COL6A5: variants seen among roughly 807,000 people sequenced by gnomAD.
COL6A5 encodes collagen alpha-5(VI) chain.
COL6A5 carries 48 observed loss-of-function variants against 65.6 expected under a neutral mutation model. That is an observed-to-expected ratio of 0.73 (90% CI 0.58 to 0.93). COL6A5 has a LOEUF of 0.93. COL6A5 is among the 40% of genes least tolerant of loss of function. The pLI is 0.00. For synonymous variants in COL6A5, 291 were observed against 322.8 expected, an observed-to-expected ratio of 0.90 and a Z score of 1.05; for missense variants, 914 against 928.3, an observed-to-expected ratio of 0.98 and a Z score of 0.20.
At position 130,422,134 on chromosome 3, in the gene COL6A5, G is replaced by C. The variant is rs530967782; in HGVS notation, c.5038-586G>C. Among the ~76,000 whole-genome samples, 16 of 152,132 alleles carry C rather than the reference G, an allele frequency of 1.1e-4. No individual in the cohort carries two copies. The South Asian group carries it at 3.3e-3, about 32-fold the overall frequency. ...GAATCCTCTTAAAACTATTTTTAATGAATGAATTACCAAAAGAGATTCTTA... is the reference window on the plus strand; with the variant it reads ...GAATCCTCTTAAAACTATTTTTAATCAATGAATTACCAAAAGAGATTCTTA... On this transcript the variant is annotated intron_variant and NMD_transcript_variant, in intron 27 of 41. Transcript: ENST00000312481.
intron 5 of COL6A5, among the ~76,000 whole-genome samples, chr3:130,386,729 T>A (rs1354439471): frequency 6.6e-6 from 1 of 151,872 alleles, no homozygotes. Context: ...TCTAGGGAGG[T>A]ACAGTACATC....
intron 7 of COL6A5, among the ~76,000 whole-genome samples, chr3:130,473,481 C>G (rs1001669632): frequency 2.2e-4 from 33 of 152,184 alleles, no homozygotes; most frequent in African/African-American, 7.7e-4. Context: ...AGGCAGGCAT[C>G]AGTTGGCAGC....
intron 14 of COL6A5, 39 bp downstream of exon 14, chr3:130,405,698 A>G (rs1475409538): frequency 1.4e-6 from 2 of 1,439,704 alleles, no homozygotes; most frequent in Admixed American, 2.0e-5. Flanking sequence ...AATTCTCTGT[A>G]ACATTCTCTC....
chr3:130,413,650 C>A, intron 21 of COL6A5, 70 bp downstream of exon 21: 1 of 1,455,112 alleles, frequency 6.9e-7, no homozygotes, highest in Non-Finnish European at 9.4e-7. Context: ...GTAGGTGGTG[C>A]TGGGAATCAT....
At chr3:130,385,461 T>G in intron 5 of COL6A5, 97 bp downstream of exon 5, 2 of 1,280,076 alleles carry the variant, frequency 1.6e-6, no homozygotes, top group South Asian at 3.1e-5. Flanking sequence ...TGACCAGTTG[T>G]CCGGATAACA....
intron 1 of COL6A5, among the ~76,000 whole-genome samples, chr3:130,369,391 C>T (rs1343059585): frequency 6.6e-6 from 1 of 152,188 alleles, no homozygotes; most frequent in Non-Finnish European, 1.5e-5. Context: ...CTTCCAATCT[C>T]ATGGATTCAA....
chr3:130,365,983 C>G (rs1935322941), intron 1 of COL6A5, among the ~76,000 whole-genome samples: 1 of 152,182 alleles, frequency 6.6e-6, no homozygotes, highest in Non-Finnish European at 1.5e-5. Context: ...TTTGTTTTCT[C>G]AGCCACAACC....
intron 3 of COL6A5, among the ~76,000 whole-genome samples, chr3:130,377,596 C>A (rs887250226): frequency 6.6e-6 from 1 of 152,210 alleles, no homozygotes; most frequent in South Asian, 2.1e-4. Context: ...TGTGTTGAGC[C>A]CTGCATCTGC....
intron 10 of COL6A5, among the ~76,000 whole-genome samples, chr3:130,400,547 T>G (rs1244605924): frequency 6.6e-6 from 1 of 151,676 alleles, no homozygotes; most frequent in African/African-American, 2.4e-5. Context: ...GCTGAGACAA[T>G]TGCCCTGGGC....
intron 17 of COL6A5, among the ~76,000 whole-genome samples, chr3:130,406,863 A>G (rs1051755542): frequency 2.0e-5 from 3 of 152,160 alleles, no homozygotes. Context: ...CTGTCATTTG[A>G]CAGGTTTGTC....
chr3:130,455,391 G>A (rs1709547497), intron 4 of COL6A5, 64 bp from the exon 37 acceptor site: 2 of 907,108 alleles, frequency 2.2e-6, no homozygotes, highest in Non-Finnish European at 3.5e-6. Flanking sequence ...AAATGTTAAG[G>A]ATGTTTTATT....
At chr3:130,464,761 G>T (rs1709775135) in intron 5 of COL6A5, among the ~76,000 whole-genome samples, 1 of 152,058 alleles carries the variant, frequency 6.6e-6, no homozygotes, top group African/African-American at 2.4e-5. Flanking sequence ...CTAAGAGTTT[G>T]CCACTGGGTT....
intron 5 of COL6A5, among the ~76,000 whole-genome samples, chr3:130,466,244 A>G (rs998170390): frequency 1.1e-4 from 16 of 152,034 alleles, no homozygotes; most frequent in Admixed American, 3.3e-4. Context: ...TCAACATTTT[A>G]AAGGATTCAA....
chr3:130,362,289 CATATATATATATATATAT>C (rs1184871633), intron 1 of COL6A5, among the ~76,000 whole-genome samples: 2 of 12,540 alleles, frequency 1.6e-4, no homozygotes, highest in African/African-American at 2.2e-4. Context: ...TGTCTTTCTC[CATATATATATATATATAT>C]ATATATATAT....
At chr3:130,346,414 A>G (rs1193983158) in intron 1 of COL6A5, among the ~76,000 whole-genome samples, 1 of 152,164 alleles carries the variant, frequency 6.6e-6, no homozygotes, top group Non-Finnish European at 1.5e-5. Flanking sequence ...CCAATGCAGG[A>G]ACCCCCAAAT....
At chr3:130,467,609 T>C (rs1709847707) in intron 5 of COL6A5, among the ~76,000 whole-genome samples, 1 of 152,026 alleles carries the variant, frequency 6.6e-6, no homozygotes, top group Admixed American at 6.6e-5. Context: ...AATGAGATAA[T>C]ATGGAATTTA....
exon 1 of COL6A5, chr3:130,345,909 C>T: frequency 2.5e-6 from 1 of 398,674 alleles, no homozygotes; most frequent in Non-Finnish European, 4.4e-6. Context: ...CTCAGGAGCT[C>T]GGTGCAGCCT....
At chr3:130,419,829 T>G (rs1055815442) in intron 25 of COL6A5, among the ~76,000 whole-genome samples, 1 of 152,108 alleles carries the variant, frequency 6.6e-6, no homozygotes, top group Non-Finnish European at 1.5e-5. Context: ...GTTCAAGAGA[T>G]CTATTGTATA....
intron 8 of COL6A5, among the ~76,000 whole-genome samples, chr3:130,397,312 T>A (rs893467731): frequency 2.0e-5 from 3 of 152,084 alleles, no homozygotes; most frequent in Non-Finnish European, 4.4e-5. Context: ...ATTGGAAGTT[T>A]TAATATTTTA....
Sources: gnomAD v4.1 joint callset for allele counts (sites outside exome capture counted in the v4.1 genomes callset) on GRCh38, gnomAD v4.1.1 for gene constraint, MANE v1.5 for transcripts, NCBI Gene and HGNC (gene_info 2026-07-23, HGNC 2026-07-21) for gene names.